TMTC2: variants seen among roughly 807,000 people sequenced by gnomAD.
The protein encoded by TMTC2 is transmembrane O-mannosyltransferase targeting cadherins 2.
A neutral mutation model predicts 82.4 loss-of-function variants in TMTC2; 43 were observed. The observed-to-expected ratio is 0.52, with a 90% confidence interval of 0.41 to 0.67. The LOEUF (loss-of-function observed/expected upper bound fraction) is 0.67, where lower values mean the gene tolerates loss of function less well. Among genes scored for constraint, TMTC2 ranks in the 30% least tolerant of loss-of-function variants. The probability of loss-of-function intolerance (pLI) is 0.00; values close to 1 mark genes in which losing one functional copy is unlikely to be tolerated. For missense variants in TMTC2, 919 were observed against 1,012.4 expected (o/e 0.91, Z 1.25); for synonymous variants, 408 against 381.9 (o/e 1.07, Z -0.80).
intron 11 of TMTC2, among the ~76,000 whole-genome samples, chr12:83,114,484 A>C (rs1884694504): frequency 6.6e-6 from 1 of 152,216 alleles, no homozygotes; most frequent in South Asian, 2.1e-4. Context: ...ACTGACTGGG[A>C]AACCATCTTT....
intron 1 of TMTC2, among the ~76,000 whole-genome samples, chr12:82,813,435 G>T (rs1394485101): frequency 6.6e-6 from 1 of 151,884 alleles, no homozygotes; most frequent in Non-Finnish European, 1.5e-5. Flanking sequence ...CTCTTCTCAG[G>T]TTAAATATTC....
chr12:82,795,791 C>A (rs1211553957), intron 1 of TMTC2, among the ~76,000 whole-genome samples: 2 of 152,152 alleles, frequency 1.3e-5, no homozygotes, highest in African/African-American at 4.8e-5. Flanking sequence ...GACAACCACA[C>A]CTGCCGGGAC....
At chr12:82,863,502 C>G (rs1871656499) in intron 2 of TMTC2, among the ~76,000 whole-genome samples, 1 of 152,088 alleles carries the variant, frequency 6.6e-6, no homozygotes, top group African/African-American at 2.4e-5. Context: ...CAGATAATAC[C>G]ACAAATAAAG....
intron 1 of TMTC2, among the ~76,000 whole-genome samples, chr12:82,798,850 A>T (rs1226034518): frequency 6.6e-6 from 1 of 151,512 alleles, no homozygotes; most frequent in Non-Finnish European, 1.5e-5. Context: ...TAGTTAGAGA[A>T]GTTGTGACTA....
At chr12:83,092,628 C>T (rs146727287) in intron 11 of TMTC2, among the ~76,000 whole-genome samples, 12 of 152,272 alleles carry the variant, frequency 7.9e-5, no homozygotes, top group East Asian at 3.9e-4. Context: ...TTTACTCTTA[C>T]CTTTCTAAAT....
At chr12:82,818,569 C>A (rs1412045486) in intron 1 of TMTC2, among the ~76,000 whole-genome samples, 1 of 152,100 alleles carries the variant, frequency 6.6e-6, no homozygotes, top group Non-Finnish European at 1.5e-5. Context: ...GTGTTTATTT[C>A]CTGTGTAAAT....
chr12:83,060,418 T>C (rs540504978), intron 10 of TMTC2, among the ~76,000 whole-genome samples: 4 of 151,806 alleles, frequency 2.6e-5, no homozygotes, highest in Non-Finnish European at 5.9e-5. Flanking sequence ...CCTTCTCTTT[T>C]AAAACTTGAA....
chr12:83,102,811 T>G (rs1016795572), intron 11 of TMTC2, among the ~76,000 whole-genome samples: 2 of 152,236 alleles, frequency 1.3e-5, no homozygotes, highest in African/African-American at 2.4e-5. Context: ...AGAACTGTGA[T>G]GTACTCAGGA....
At chr12:82,952,824 C>T (rs533073165) in intron 4 of TMTC2, among the ~76,000 whole-genome samples, 13 of 152,248 alleles carry the variant, frequency 8.5e-5, no homozygotes, top group South Asian at 8.3e-4. Context: ...CCACCCACCT[C>T]GGCCTCCCAA....
intron 2 of TMTC2, among the ~76,000 whole-genome samples, chr12:82,894,911 T>C (rs996844510): frequency 6.6e-6 from 1 of 151,864 alleles, no homozygotes; most frequent in African/African-American, 2.4e-5. Context: ...GCTATGGTCC[T>C]GCCTCAGCCT....
At chr12:83,032,255 TTTTATATATATATA>T (rs988361537) in intron 9 of TMTC2, among the ~76,000 whole-genome samples, 5 of 85,724 alleles carry the variant, frequency 5.8e-5, no homozygotes, top group Admixed American at 1.5e-4. Flanking sequence ...ATAGAGAATA[TTTTATATATATATA>T]TATATATATA....
chr12:82,961,895 A>G (rs1877954678), intron 4 of TMTC2, among the ~76,000 whole-genome samples: 1 of 152,118 alleles, frequency 6.6e-6, no homozygotes, highest in African/African-American at 2.4e-5. Flanking sequence ...ATGCTCAATT[A>G]AATCCTTACT....
At chr12:82,757,129 A>T (rs1354514450) in intron 1 of TMTC2, among the ~76,000 whole-genome samples, 1 of 152,212 alleles carries the variant, frequency 6.6e-6, no homozygotes, top group East Asian at 1.9e-4. Context: ...GCTGAAAAGT[A>T]AGTGGATCCT....
At chr12:82,812,407 A>G (rs754090125) in intron 1 of TMTC2, among the ~76,000 whole-genome samples, 8 of 152,170 alleles carry the variant, frequency 5.3e-5, no homozygotes, top group Non-Finnish European at 7.4e-5. Flanking sequence ...CCAACTGGAA[A>G]TCTGCATGTC....
intron 1 of TMTC2, among the ~76,000 whole-genome samples, chr12:82,845,866 T>A (rs998257319): frequency 6.6e-6 from 1 of 152,008 alleles, no homozygotes; most frequent in Admixed American, 6.5e-5. Flanking sequence ...TCTAGGTAAC[T>A]CAAGTTTTAA....
At chr12:83,047,392 G>C (rs947105659) in intron 9 of TMTC2, among the ~76,000 whole-genome samples, 1 of 152,074 alleles carries the variant, frequency 6.6e-6, no homozygotes, top group African/African-American at 2.4e-5. Flanking sequence ...AATGTTTATT[G>C]CTCTATTTTC....
intron 1 of TMTC2, among the ~76,000 whole-genome samples, chr12:82,726,897 A>AG (rs1288774260): frequency 1.9e-4 from 29 of 151,554 alleles, no homozygotes; most frequent in Non-Finnish European, 4.0e-4. Context: ...AAAAAAAAAA[A>AG]AAAGGAAAGT....
At chr12:83,077,824 C>T (rs905424684) in intron 11 of TMTC2, among the ~76,000 whole-genome samples, 5 of 149,622 alleles carry the variant, frequency 3.3e-5, no homozygotes, top group African/African-American at 9.8e-5. Context: ...CCACCTACTT[C>T]GGCCTCCCAA....
intron 8 of TMTC2, among the ~76,000 whole-genome samples, chr12:83,010,793 T>C (rs1026064670): frequency 6.6e-6 from 1 of 151,282 alleles, no homozygotes; most frequent in African/African-American, 2.4e-5. Flanking sequence ...AGGCATAATG[T>C]GTATTGTATG....
Sources: allele counts gnomAD v4.1 joint callset (sites outside exome capture counted in the v4.1 genomes callset), GRCh38; gene constraint gnomAD v4.1.1; transcripts MANE v1.5; gene names NCBI Gene and HGNC (gene_info 2026-07-23, HGNC 2026-07-21).